Variants in KHDRBS2 observed in about 807,000 individuals in gnomAD.
KHDRBS2 encodes the protein KH domain-containing, RNA-binding, signal transduction-associated protein 2.
Under a neutral mutation model 44.3 loss-of-function variants are expected in KHDRBS2, and 26 were observed. The observed-to-expected ratio is 0.59, with a 90% CI of 0.43 to 0.81. The LOEUF (loss-of-function observed/expected upper bound fraction) is 0.81. KHDRBS2 is among the 40% of genes least tolerant of loss of function. The pLI is 0.00. For synonymous variants in KHDRBS2, 194 were observed against 151.1 expected (o/e 1.28, Z -2.08); for missense variants, 476 against 433.1 (o/e 1.10, Z -0.88).
chr6:61,899,025 T>C (rs1803453337), intron 5 of KHDRBS2, among the ~76,000 whole-genome samples: 1 of 151,858 alleles, frequency 6.6e-6, no homozygotes, highest in East Asian at 1.9e-4. Flanking sequence ...TGTTCATAAA[T>C]CCCTTTTTAC....
At chr6:61,784,693 T>G (rs754975490) in intron 6 of KHDRBS2, among the ~76,000 whole-genome samples, 117 of 152,170 alleles carry the variant, frequency 7.7e-4, no homozygotes, top group Non-Finnish European at 4.0e-4. Context: ...TACTGAAATT[T>G]TTACCTACAA....
At chr6:61,882,582 G>A (rs940348092) in intron 6 of KHDRBS2, among the ~76,000 whole-genome samples, 2 of 152,016 alleles carry the variant, frequency 1.3e-5, no homozygotes, top group South Asian at 2.1e-4. Flanking sequence ...ATTTTCCATC[G>A]TCAACAATGA....
At chr6:61,761,978 C>T (rs866240023) in intron 6 of KHDRBS2, among the ~76,000 whole-genome samples, 4 of 152,114 alleles carry the variant, frequency 2.6e-5, no homozygotes, top group Middle Eastern at 3.4e-3. Flanking sequence ...TTATGTATTT[C>T]CCTTGGTCTA....
At chr6:61,772,223 A>G (rs1350516359) in intron 6 of KHDRBS2, among the ~76,000 whole-genome samples, 1 of 152,234 alleles carries the variant, frequency 6.6e-6, no homozygotes, top group Non-Finnish European at 1.5e-5. Flanking sequence ...AGCAGGAAAG[A>G]TCTAAAATTG....
chr6:61,543,939 T>C, the KHDRBS2 span, among the ~76,000 whole-genome samples: 1 of 151,906 alleles, frequency 6.6e-6, no homozygotes, highest in Non-Finnish European at 1.5e-5. Context: ...GAATGATCAT[T>C]ACCAGCAGCT....
chr6:61,960,958 G>A (rs1352791336), intron 4 of KHDRBS2, among the ~76,000 whole-genome samples: 8 of 152,014 alleles, frequency 5.3e-5, no homozygotes, highest in Non-Finnish European at 1.2e-4. Context: ...CTGGGGAGTA[G>A]AAATCAGAAT....
At chr6:62,263,321 T>A (rs1038078931) in intron 1 of KHDRBS2, among the ~76,000 whole-genome samples, 1 of 151,678 alleles carries the variant, frequency 6.6e-6, no homozygotes, top group Non-Finnish European at 1.5e-5. Context: ...CAGTGGTATT[T>A]TTAGTATGTT....
At chr6:62,215,548 C>T (rs949568957) in intron 1 of KHDRBS2, among the ~76,000 whole-genome samples, 3 of 151,486 alleles carry the variant, frequency 2.0e-5, no homozygotes, top group Admixed American at 1.3e-4. Context: ...AGATGCCAGC[C>T]CCAACCACAA....
intron 6 of KHDRBS2, among the ~76,000 whole-genome samples, chr6:61,864,063 T>C (rs1445876311): frequency 6.6e-6 from 1 of 152,184 alleles, no homozygotes; most frequent in Non-Finnish European, 1.5e-5. Context: ...TCTCCTTTGA[T>C]CTTTGTTGAT....
Position 61,680,934 on chromosome 6 carries a change from T to G in KHDRBS2, c.*29A>C. 1 of 1,409,290 alleles carries G rather than the reference T, an allele frequency of 7.1e-7. No individual in the cohort carries two copies. Among genetic ancestry groups the G allele is most frequent in the Non-Finnish European group, 1.0e-6 (1 of 999,006 alleles). The allele number at this position is 1,409,290 out of a possible 1,614,324, so 87.3% of individuals were successfully genotyped here. A position where few individuals can be genotyped will look rare whatever the true frequency, so the allele number is the denominator to read the frequency against. ...GAGACCACAGGCTATGAATTGTCTT[T>G]GAGGTGAGGTCACAGGTGGGAAGGA... On this transcript the variant is annotated 3_prime_UTR_variant, in exon 9 of 9. Coordinates refer to ENST00000281156, the MANE Select transcript of KHDRBS2 (RefSeq NM_152688.4).
chr6:61,816,155 C>T (rs1423001166), intron 6 of KHDRBS2, among the ~76,000 whole-genome samples: 1 of 151,996 alleles, frequency 6.6e-6, no homozygotes, highest in Admixed American at 6.6e-5. Flanking sequence ...TAAAATACTT[C>T]CACAAAAAAG....
intron 6 of KHDRBS2, among the ~76,000 whole-genome samples, chr6:61,831,759 C>A (rs1018477813): frequency 6.6e-6 from 1 of 151,722 alleles, no homozygotes; most frequent in Non-Finnish European, 1.5e-5. Context: ...TCCTTTTTGG[C>A]AAAGAAAATG....
intron 1 of KHDRBS2, among the ~76,000 whole-genome samples, chr6:62,178,893 GA>G (rs1172266162): frequency 6.6e-6 from 1 of 151,450 alleles, no homozygotes; most frequent in Admixed American, 6.6e-5. Flanking sequence ...GAGAAAAGGT[GA>G]TGATAGTTAT....
chr6:61,575,907 G>T, the KHDRBS2 span, among the ~76,000 whole-genome samples: 1 of 152,066 alleles, frequency 6.6e-6, no homozygotes, highest in East Asian at 1.9e-4. Context: ...AAGCTATGAG[G>T]ACACAAAGGC....
At chr6:62,118,558 T>C (rs1385130608) in intron 2 of KHDRBS2, among the ~76,000 whole-genome samples, 1 of 152,192 alleles carries the variant, frequency 6.6e-6, no homozygotes. Context: ...GAGTGAAGGA[T>C]ACAAAATATT....
intron 1 of KHDRBS2, among the ~76,000 whole-genome samples, chr6:62,255,083 C>T (rs1837147786): frequency 6.6e-6 from 1 of 151,986 alleles, no homozygotes; most frequent in South Asian, 2.1e-4. Context: ...CAAATGTAAT[C>T]ACTGTAGACA....
chr6:61,803,353 G>C (rs1398285709), intron 6 of KHDRBS2, among the ~76,000 whole-genome samples: 2 of 152,124 alleles, frequency 1.3e-5, no homozygotes, highest in African/African-American at 4.8e-5. Flanking sequence ...ATCCTTTGAA[G>C]AAAAGGTATT....
At chr6:61,938,325 G>A (rs757886715) in intron 4 of KHDRBS2, among the ~76,000 whole-genome samples, 10 of 152,158 alleles carry the variant, frequency 6.6e-5, no homozygotes, top group East Asian at 3.9e-4. Context: ...CTAGAAAAAC[G>A]TATAGATTTA....
At chr6:61,577,153 T>C in the KHDRBS2 span, among the ~76,000 whole-genome samples, 1 of 152,146 alleles carries the variant, frequency 6.6e-6, no homozygotes, top group East Asian at 1.9e-4. Context: ...TTTTTTTTTT[T>C]TAACCATCAA....
Sources: allele counts gnomAD v4.1 joint callset (sites outside exome capture counted in the v4.1 genomes callset), GRCh38; gene constraint gnomAD v4.1.1; transcripts MANE v1.5; gene names NCBI Gene and HGNC (gene_info 2026-07-23, HGNC 2026-07-21).